The following GLG1 variants were observed in gnomAD, a reference collection of about 807,000 sequenced individuals.
GLG1 encodes golgi glycoprotein 1.
Under a neutral mutation model 160.5 loss-of-function variants are expected in GLG1, and 38 were observed. The ratio of observed to expected loss-of-function variants is 0.24; its 90% CI spans 0.18 to 0.31. The LOEUF is 0.31. Ranked by LOEUF, GLG1 falls within the 10% of genes least tolerant of loss-of-function variation. The pLI, the probability that GLG1 is intolerant of heterozygous loss-of-function variation, is 1.00. For missense variants in GLG1, 1,373 were observed against 1,505.2 expected, an observed-to-expected ratio of 0.91 and a Z score of 1.45; for synonymous variants, 644 against 543.4, an observed-to-expected ratio of 1.19 and a Z score of -2.57.
intron 7 of GLG1, among the ~76,000 whole-genome samples, chr16:74,492,675 C>A (rs2016041861): frequency 6.6e-6 from 1 of 151,754 alleles, no homozygotes; most frequent in South Asian, 2.1e-4. Flanking sequence ...AAGAATTAGC[C>A]AGGCGCAGTG....
chr16:74,458,010 C>T lies in GLG1; in HGVS notation c.3145-16G>A, dbSNP rs761050760. ...TTAGCACTTCCTGGAAAGGGAGGGT[C>T]ATTGCAGACAGAGCTTTTGAAGGGG... On this transcript the variant is annotated splice_polypyrimidine_tract_variant and intron_variant, in intron 23 of 25. Transcript: ENST00000422840. The T allele has an allele frequency of 1.2e-6, 2 of 1,612,670 alleles. No homozygotes were observed. The highest frequency in any genetic ancestry group is 1.7e-6 in the Non-Finnish European group (2 of 1,178,964).
At chr16:74,470,484 T>C (rs1461683961) in intron 15 of GLG1, among the ~76,000 whole-genome samples, 6 of 149,796 alleles carry the variant, frequency 4.0e-5, no homozygotes, top group African/African-American at 1.2e-4. Context: ...GCCTCTCTCT[T>C]GTCATCCAGG....
chr16:74,539,342 C>T (rs1597324547), intron 1 of GLG1, among the ~76,000 whole-genome samples: 2 of 151,988 alleles, frequency 1.3e-5, no homozygotes, highest in South Asian at 2.1e-4. Flanking sequence ...TAAAGATAGA[C>T]GGGGAAAGAC....
chr16:74,572,512 C>CAAAAAAAAA (rs1212497736), intron 1 of GLG1, among the ~76,000 whole-genome samples: 1 of 56,268 alleles, frequency 1.8e-5, no homozygotes, highest in African/African-American at 7.8e-5. Flanking sequence ...GACTCTGTCT[C>CAAAAAAAAA]AAAAAAAAAA....
chr16:74,606,397 C>T (rs1958566505), intron 1 of GLG1, among the ~76,000 whole-genome samples: 1 of 152,178 alleles, frequency 6.6e-6, no homozygotes, highest in Admixed American at 6.5e-5. Flanking sequence ...CTCTGGGCCT[C>T]GGCGGATTGC....
chr16:74,565,748 G>A (rs1266073020), intron 1 of GLG1, among the ~76,000 whole-genome samples: 1 of 152,268 alleles, frequency 6.6e-6, no homozygotes, highest in African/African-American at 2.4e-5. Flanking sequence ...ATTATTCTTT[G>A]CACAATTAAA....
At chr16:74,472,815 G>A (rs1183952366) in intron 13 of GLG1, 3 of 338,484 alleles carry the variant, frequency 8.9e-6, no homozygotes, top group Non-Finnish European at 1.7e-5. Flanking sequence ...TGCCCTCAAA[G>A]CAGATGCCAA....
chr16:74,508,786 G>C (rs2016702750), intron 3 of GLG1, 53 bp downstream of exon 3: 1 of 782,098 alleles, frequency 1.3e-6, no homozygotes, highest in Non-Finnish European at 2.3e-6. Context: ...GGCTGGTCTG[G>C]TAATTTTCTC....
chr16:74,478,013 T>TAAAA (rs1555508283), intron 11 of GLG1, among the ~76,000 whole-genome samples: 74 of 150,514 alleles, frequency 4.9e-4, no homozygotes, highest in South Asian at 1.5e-3. Context: ...AATAAATAAA[T>TAAAA]AAAATGTGCA....
At chr16:74,601,890 C>T (rs531556521) in intron 1 of GLG1, among the ~76,000 whole-genome samples, 5 of 152,166 alleles carry the variant, frequency 3.3e-5, no homozygotes, top group Non-Finnish European at 5.9e-5. Flanking sequence ...TCAAAAAGGA[C>T]TTCCTGAACA....
At chr16:74,583,526 C>T (rs1957982646) in intron 1 of GLG1, among the ~76,000 whole-genome samples, 1 of 152,072 alleles carries the variant, frequency 6.6e-6, no homozygotes, top group Non-Finnish European at 1.5e-5. Context: ...ATTACAGGCG[C>T]ACGCCACCAC....
Position 74,452,243 on chromosome 16 carries a change from C to T in GLG1, c.*924G>A, listed in dbSNP as rs1179681953. ...GCCACAGTCCTGCCTCCTGATGAAG[C>T]GCAGAGCTTCCAGAGTGACTGTAGC... On this transcript the variant is annotated 3_prime_UTR_variant, in exon 26 of 26. Coordinates refer to ENST00000422840, the MANE Select transcript of GLG1 (RefSeq NM_001145667.2). 31 of 1,520,466 alleles carry T rather than the reference C, an allele frequency of 2.0e-5. 1 individual carries two copies. The East Asian group carries it at 4.9e-4, about 24-fold the overall frequency. 94.2% of individuals were successfully genotyped at this position (1,520,466 alleles called of 1,614,324 possible). A position where few individuals can be genotyped will look rare whatever the true frequency, so the allele number is the denominator to read the frequency against.
chr16:74,591,273 G>A (rs1186705217), intron 1 of GLG1, among the ~76,000 whole-genome samples: 3 of 151,598 alleles, frequency 2.0e-5, no homozygotes, highest in Non-Finnish European at 4.4e-5. Flanking sequence ...GGAGGCTGCC[G>A]TGAGCCAACA....
At chr16:74,558,344 T>G (rs1429343717) in intron 1 of GLG1, among the ~76,000 whole-genome samples, 5 of 152,242 alleles carry the variant, frequency 3.3e-5, no homozygotes, top group Admixed American at 2.0e-4. Flanking sequence ...CATCTCAATG[T>G]AACAGATTGC....
chr16:74,454,222 T>C (rs1157235529), intron 25 of GLG1, among the ~76,000 whole-genome samples: 4 of 151,902 alleles, frequency 2.6e-5, no homozygotes, highest in East Asian at 1.9e-4. Context: ...TTTTTTTTCA[T>C]TGAGTTGGGG....
chr16:74,484,926 T>A (rs1201372300), intron 9 of GLG1, among the ~76,000 whole-genome samples: 2 of 151,588 alleles, frequency 1.3e-5, no homozygotes. Context: ...CTTGGTTTGG[T>A]TTTTTGAGAC....
rs765226516 is a variant in GLG1 at position 74,472,313 on chromosome 16, C to T, written c.2115+36G>A. 5 of 1,476,368 alleles carry T rather than the reference C, an allele frequency of 3.4e-6. No individual in the cohort carries two copies. The African/African-American group carries it at 6.9e-5, about 20-fold the overall frequency. 91.5% of individuals were successfully genotyped at this position (1,476,368 alleles called of 1,614,324 possible). A position where few individuals can be genotyped will look rare whatever the true frequency, so the allele number is the denominator to read the frequency against. On this transcript the variant is annotated intron_variant, in intron 14 of 25. Transcript: ENST00000422840. ...GGGGAGAGTCCCTGTCAATTTGTTT[C>T]TGTTTTTAACCCTTGCTCCTCCAGA...
rs2016056163 is a variant in GLG1, at chr16:74,492,946, A to T, written c.1234+11T>A. The T allele has an allele frequency of 6.5e-7, 1 of 1,531,820 alleles. No individual in the cohort carries two copies. The highest frequency in any genetic ancestry group is 8.8e-7 in the Non-Finnish European group (1 of 1,136,356). The allele number at this position is 1,531,820 out of a possible 1,614,324, so 94.9% of individuals were successfully genotyped here. On this transcript the variant is annotated intron_variant, in intron 7 of 25. Coordinates refer to ENST00000422840, the MANE Select transcript of GLG1 (RefSeq NM_001145667.2). ...CAGAAATGATAATTAAAAAAAAAATATGAATGCTACCTCTGTGTACAGCTG... is the reference window on the plus strand; with the variant it reads ...CAGAAATGATAATTAAAAAAAAAATTTGAATGCTACCTCTGTGTACAGCTG...
At position 74,465,770 on chromosome 16, in the gene GLG1, C is replaced by A. The variant is rs201998866; in HGVS notation, c.2573G>T (p.Arg858Leu). The change falls in exon 19 of 26, where the codon CGC (arginine) becomes CTC (leucine). Residue 858 changes from arginine to leucine, a missense_variant. Physicochemically the swap from Arg to Leu is moderately radical, Grantham distance 102. This residue lies in a region of GLG1 where 491 missense variants were observed against 632.1 expected (regional missense o/e 0.78). Coordinates refer to ENST00000422840, the MANE Select transcript of GLG1 (RefSeq NM_001145667.2). Reference protein sequence around the residue: ...LKENKKQLSTRCHQKVFKLQE... With the variant: ...LKENKKQLSTLCHQKVFKLQE... ...CAGCTTAAATACTTTTTGGTGGCAG[C>A]GGGTGCTTAGCTGCTTCTTGTTTTC... 17 of 1,613,140 alleles carry A rather than the reference C, an allele frequency of 1.1e-5. No homozygotes were observed. Among genetic ancestry groups the A allele is most frequent in the Admixed American group, 1.7e-5 (1 of 60,000 alleles).
Sources: gnomAD v4.1 joint callset for allele counts (sites outside exome capture counted in the v4.1 genomes callset) on GRCh38, gnomAD v4.1.1 for gene constraint, gnomAD v4.1.1 regional missense constraint, MANE v1.5 for transcripts, NCBI Gene and HGNC (gene_info 2026-07-23, HGNC 2026-07-21) for gene names.